The following RCAN2 variants were observed in gnomAD, a reference collection of about 807,000 sequenced individuals.
The protein encoded by RCAN2 is calcipressin-2.
RCAN2 carries 9 observed loss-of-function variants against 23.6 expected under a neutral mutation model. That is an observed-to-expected ratio of 0.38 (90% CI 0.23 to 0.67). The LOEUF is 0.67. Among genes scored for constraint, RCAN2 ranks in the 30% least tolerant of loss-of-function variants. The probability of loss-of-function intolerance (pLI) is 0.51; values close to 1 mark genes in which losing one functional copy is unlikely to be tolerated. For missense variants in RCAN2, 273 were observed against 302.3 expected (o/e 0.90, Z 0.72); for synonymous variants, 109 against 115.7 (o/e 0.94, Z 0.37).
chr6:46,475,856 C>T (rs541399635), intron 1 of RCAN2, among the ~76,000 whole-genome samples: 2 of 152,326 alleles, frequency 1.3e-5, no homozygotes, highest in South Asian at 4.1e-4. Context: ...GATCCCTGCC[C>T]TCACAGCTTT....
At chr6:46,246,660 G>T in intron 4 of RCAN2, 88 bp downstream of exon 4, 1 of 1,087,848 alleles carries the variant, frequency 9.2e-7, no homozygotes, top group South Asian at 1.4e-5. Flanking sequence ...ATGTTACTGT[G>T]AACCCAGGAT....
intron 2 of RCAN2, among the ~76,000 whole-genome samples, chr6:46,313,308 A>G (rs1167453775): frequency 6.6e-6 from 1 of 152,038 alleles, no homozygotes; most frequent in African/African-American, 2.4e-5. Context: ...GTACTCCTTC[A>G]CCAGCCTAGA....
At chr6:46,406,231 A>G (rs1582176395) in intron 2 of RCAN2, among the ~76,000 whole-genome samples, 1 of 152,224 alleles carries the variant, frequency 6.6e-6, no homozygotes, top group African/African-American at 2.4e-5. Context: ...GCGGCGGGCC[A>G]AAGGGCCCCT....
intron 2 of RCAN2, among the ~76,000 whole-genome samples, chr6:46,347,130 C>G (rs6921814): frequency 0.42 from 64,099 of 152,056 alleles, 14,945 homozygotes; most frequent in East Asian, 0.6. Context: ...CTGCCTCGGC[C>G]TCCCAAAGTG....
intron 2 of RCAN2, among the ~76,000 whole-genome samples, chr6:46,279,384 G>A (rs1174072333): frequency 1.3e-5 from 2 of 152,164 alleles, no homozygotes; most frequent in Non-Finnish European, 2.9e-5. Context: ...TTTAACCTTG[G>A]CACTATTGAC....
chr6:46,298,045 C>A (rs1416707761), intron 2 of RCAN2, among the ~76,000 whole-genome samples: 1 of 152,048 alleles, frequency 6.6e-6, no homozygotes, highest in East Asian at 1.9e-4. Flanking sequence ...CCTGGAGATC[C>A]AACATGCACC....
At chr6:46,238,721 T>C (rs1025557458) in intron 4 of RCAN2, among the ~76,000 whole-genome samples, 2 of 152,058 alleles carry the variant, frequency 1.3e-5, no homozygotes, top group Non-Finnish European at 2.9e-5. Context: ...GATAATCTTA[T>C]TTTTTATTTT....
chr6:46,460,525 G>A (rs894943246), intron 1 of RCAN2, among the ~76,000 whole-genome samples: 3 of 152,162 alleles, frequency 2.0e-5, no homozygotes, highest in African/African-American at 7.2e-5. Context: ...TTTTCCGGGA[G>A]GGCTTCCCAA....
chr6:46,458,900 T>TGA (rs113490820), intron 1 of RCAN2, among the ~76,000 whole-genome samples: 6 of 119,330 alleles, frequency 5.0e-5, no homozygotes, highest in Non-Finnish European at 1.2e-4. Flanking sequence ...CGCGCACGTG[T>TGA]GTGTGTGTGT....
At chr6:46,479,984 A>G (rs1768812589) in intron 1 of RCAN2, among the ~76,000 whole-genome samples, 1 of 152,224 alleles carries the variant, frequency 6.6e-6, no homozygotes, top group African/African-American at 2.4e-5. Flanking sequence ...GTTCATTCCC[A>G]TAAGCCCACA....
chr6:46,461,835 C>T (rs1768221086), intron 1 of RCAN2, among the ~76,000 whole-genome samples: 1 of 152,162 alleles, frequency 6.6e-6, no homozygotes, highest in African/African-American at 2.4e-5. Context: ...ATCCGCCTGC[C>T]TCAGCCTCCC....
chr6:46,247,649 A>T (rs1766566921), intron 3 of RCAN2, among the ~76,000 whole-genome samples: 1 of 152,242 alleles, frequency 6.6e-6, no homozygotes, highest in South Asian at 2.1e-4. Flanking sequence ...AATGTTTTCA[A>T]GGTTCATCTA....
intron 2 of RCAN2, among the ~76,000 whole-genome samples, chr6:46,265,816 G>A (rs1582045567): frequency 6.6e-6 from 1 of 152,090 alleles, no homozygotes; most frequent in Non-Finnish European, 1.5e-5. Context: ...TTTCATAAAC[G>A]AGTTTACAAA....
chr6:46,223,792 T>C (rs1765559966), intron 4 of RCAN2, among the ~76,000 whole-genome samples: 1 of 152,186 alleles, frequency 6.6e-6, no homozygotes, highest in Non-Finnish European at 1.5e-5. Context: ...GGTTATCACA[T>C]GCCCAGGATT....
Position 46,229,707 on chromosome 6 carries a change from G to T in RCAN2, c.572-6406C>A, listed in dbSNP as rs576546196. Among the ~76,000 whole-genome samples the T allele has an allele frequency of 2.6e-4, 39 of 152,152 alleles. No homozygotes were observed. In the South Asian group the frequency reaches 8.1e-3, roughly 32 times the overall value. ...CAAGGTTTTTAGCTTCTTTGTGATGGGTTCGAACTTCCTCCTTTAGCTTGG... is the reference window on the plus strand; with the variant it reads ...CAAGGTTTTTAGCTTCTTTGTGATGTGTTCGAACTTCCTCCTTTAGCTTGG... On this transcript the variant is annotated intron_variant, in intron 4 of 4. Transcript: ENST00000371374.
intron 2 of RCAN2, among the ~76,000 whole-genome samples, chr6:46,357,044 C>T (rs889475024): frequency 2.6e-5 from 4 of 152,156 alleles, no homozygotes; most frequent in African/African-American, 9.7e-5. Flanking sequence ...GTGCAGACTG[C>T]CATTGCCAGG....
At chr6:46,448,372 C>T (rs963325492) in intron 2 of RCAN2, among the ~76,000 whole-genome samples, 1 of 151,668 alleles carries the variant, frequency 6.6e-6, no homozygotes, top group South Asian at 2.1e-4. Flanking sequence ...GCCCAGAACA[C>T]GATGACTTTA....
intron 2 of RCAN2, among the ~76,000 whole-genome samples, chr6:46,372,045 C>G (rs1765334738): frequency 6.6e-6 from 1 of 152,120 alleles, no homozygotes; most frequent in South Asian, 2.1e-4. Context: ...TGGCCCAGAA[C>G]CAGGGTTGGA....
chr6:46,431,675 C>T (rs1733523942), intron 2 of RCAN2, among the ~76,000 whole-genome samples: 1 of 152,138 alleles, frequency 6.6e-6, no homozygotes, highest in Admixed American at 6.5e-5. Flanking sequence ...ATAAATAAAA[C>T]AACAAAACAT....
Sources: allele counts gnomAD v4.1 joint callset (sites outside exome capture counted in the v4.1 genomes callset), GRCh38; gene constraint gnomAD v4.1.1; transcripts MANE v1.5; gene names NCBI Gene and HGNC (gene_info 2026-07-23, HGNC 2026-07-21).